Variants in RBFOX1 observed in about 807,000 individuals in gnomAD.
The protein encoded by RBFOX1 is RNA binding fox-1 homolog 1.
RBFOX1 carries 8 observed loss-of-function variants against 57.7 expected under a neutral mutation model. The ratio of observed to expected loss-of-function variants is 0.14; its 90% CI spans 0.08 to 0.25. RBFOX1 has a LOEUF of 0.25. Ranked by LOEUF, RBFOX1 falls within the 10% of genes least tolerant of loss-of-function variation. RBFOX1 has a pLI of 1.00. For missense variants in RBFOX1, 611 were observed against 548.5 expected, an observed-to-expected ratio of 1.11 and a Z score of -1.14; for synonymous variants, 326 against 222.4, an observed-to-expected ratio of 1.47 and a Z score of -4.15.
At chr16:7,317,050 C>G (rs565479284) in intron 4 of RBFOX1, among the ~76,000 whole-genome samples, 3 of 151,704 alleles carry the variant, frequency 2.0e-5, no homozygotes, top group East Asian at 3.9e-4. Flanking sequence ...AGCCTTTTTA[C>G]AAAGGCCAGT....
intron 4 of RBFOX1, among the ~76,000 whole-genome samples, chr16:7,247,766 C>G (rs540984805): frequency 1.8e-4 from 28 of 152,270 alleles, no homozygotes; most frequent in Admixed American, 5.9e-4. Flanking sequence ...AAGGTCGGTG[C>G]TGTTCATCTA....
chr16:5,274,444 G>T (rs926501817), intron 1 of RBFOX1, among the ~76,000 whole-genome samples: 2 of 152,268 alleles, frequency 1.3e-5, no homozygotes, highest in African/African-American at 4.8e-5. Flanking sequence ...CATGAGATTC[G>T]CTTGAACCCA....
chr16:7,041,674 AG>A (rs2046237284), intron 3 of RBFOX1, among the ~76,000 whole-genome samples: 1 of 152,192 alleles, frequency 6.6e-6, no homozygotes, highest in African/African-American at 2.4e-5. Flanking sequence ...ACCTTTCGAA[AG>A]GAATCTGATG....
intron 1 of RBFOX1, among the ~76,000 whole-genome samples, chr16:5,358,681 G>A (rs944819843): frequency 6.6e-6 from 1 of 152,152 alleles, no homozygotes; most frequent in Non-Finnish European, 1.5e-5. Context: ...AAATTAGCCG[G>A]GTGTGGTGGC....
intron 2 of RBFOX1, among the ~76,000 whole-genome samples, chr16:5,482,211 T>A (rs1023875255): frequency 3.9e-5 from 6 of 152,200 alleles, no homozygotes; most frequent in Admixed American, 3.9e-4. Flanking sequence ...AGATGAGCCA[T>A]GGAGCATCCA....
chr16:6,134,032 G>A (rs1227720864), intron 1 of RBFOX1, among the ~76,000 whole-genome samples: 1 of 151,880 alleles, frequency 6.6e-6, no homozygotes, highest in Non-Finnish European at 1.5e-5. Context: ...TGCCTCCTGG[G>A]TTCAAGTGAT....
At chr16:5,980,408 G>A (rs1355515066) in intron 4 of RBFOX1, among the ~76,000 whole-genome samples, 1 of 152,150 alleles carries the variant, frequency 6.6e-6, no homozygotes, top group African/African-American at 2.4e-5. Flanking sequence ...GCGTCAGTGG[G>A]ATGGGGAGCT....
At chr16:6,584,984 G>C (rs372802243) in intron 2 of RBFOX1, among the ~76,000 whole-genome samples, 4 of 152,162 alleles carry the variant, frequency 2.6e-5, no homozygotes, top group Non-Finnish European at 5.9e-5. Flanking sequence ...CAGGCAAAAG[G>C]ATGCTCAACC....
intron 2 of RBFOX1, among the ~76,000 whole-genome samples, chr16:6,425,294 T>G (rs917113187): frequency 1.3e-5 from 2 of 152,206 alleles, no homozygotes; most frequent in African/African-American, 4.8e-5. Flanking sequence ...GCTCTCACTT[T>G]AAGCATTGAT....
chr16:7,062,901 T>A (rs796484198), intron 4 of RBFOX1, among the ~76,000 whole-genome samples: 7 of 51,174 alleles, frequency 1.4e-4, no homozygotes, highest in African/African-American at 4.9e-4. Context: ...CCATTTTTTT[T>A]TTTTTTTTTT....
intron 5 of RBFOX1, among the ~76,000 whole-genome samples, chr16:7,536,660 T>C (rs2152428122): frequency 6.6e-6 from 1 of 152,226 alleles, no homozygotes; most frequent in South Asian, 2.1e-4. Context: ...ATGTCCTGGG[T>C]AGGACAGACA....
intron 3 of RBFOX1, among the ~76,000 whole-genome samples, chr16:6,937,128 G>A (rs72772297): frequency 0.16 from 24,961 of 152,078 alleles, 2,137 homozygotes; most frequent in African/African-American, 0.21. Flanking sequence ...CCATCAGCCA[G>A]TAATTTTACC....
chr16:5,419,359 C>A (rs140260525), intron 1 of RBFOX1, among the ~76,000 whole-genome samples: 1 of 152,024 alleles, frequency 6.6e-6, no homozygotes, highest in African/African-American at 2.4e-5. Context: ...GCATCCAGCA[C>A]GAGAGAAAGA....
chr16:7,684,100 TACC>T (rs1360317179), intron 14 of RBFOX1, among the ~76,000 whole-genome samples: 5 of 152,126 alleles, frequency 3.3e-5, no homozygotes, highest in Admixed American at 1.3e-4. Context: ...ACTCTGTACT[TACC>T]ACAAGTTGAA....
chr16:5,653,131 C>A (rs963210298), intron 3 of RBFOX1, among the ~76,000 whole-genome samples: 5 of 151,762 alleles, frequency 3.3e-5, no homozygotes, highest in African/African-American at 1.2e-4. Flanking sequence ...GGTGCTGAGC[C>A]GTGTGCTGGC....
chr16:6,508,670 T>C (rs2096175990), intron 2 of RBFOX1, among the ~76,000 whole-genome samples: 1 of 152,120 alleles, frequency 6.6e-6, no homozygotes, highest in Non-Finnish European at 1.5e-5. Context: ...CCGTAAAACA[T>C]GGCAAGGTCA....
At chr16:7,021,735 G>T (rs1220008651) in intron 3 of RBFOX1, among the ~76,000 whole-genome samples, 1 of 150,358 alleles carries the variant, frequency 6.7e-6, no homozygotes, top group Non-Finnish European at 1.5e-5. Flanking sequence ...TAACAAAAAT[G>T]ACCCTAAAAA....
At chr16:5,813,089 C>T (rs1359694936) in intron 3 of RBFOX1, among the ~76,000 whole-genome samples, 1 of 151,046 alleles carries the variant, frequency 6.6e-6, no homozygotes, top group Non-Finnish European at 1.5e-5. Flanking sequence ...CTCACTGCAA[C>T]CTCCACCTCA....
intron 4 of RBFOX1, among the ~76,000 whole-genome samples, chr16:7,322,948 A>G (rs1020359906): frequency 2.6e-5 from 4 of 151,986 alleles, no homozygotes. Flanking sequence ...GCATTTCCCC[A>G]CTTCCTGAAG....
Sources: gnomAD v4.1 joint callset for allele counts (sites outside exome capture counted in the v4.1 genomes callset) on GRCh38, gnomAD v4.1.1 for gene constraint, MANE v1.5 for transcripts, NCBI Gene and HGNC (gene_info 2026-07-23, HGNC 2026-07-21) for gene names.